The following GAD2 variants were observed in gnomAD, a reference collection of about 807,000 sequenced individuals.
GAD2 encodes the protein glutamate decarboxylase 2.
A neutral mutation model predicts 80.1 loss-of-function variants in GAD2; 22 were observed. The observed-to-expected ratio is 0.27, with a 90% confidence interval of 0.20 to 0.39. The LOEUF (loss-of-function observed/expected upper bound fraction) is 0.39. GAD2 is among the 10% of genes least tolerant of loss of function. The pLI is 1.00. For synonymous variants in GAD2, 274 were observed against 256.9 expected (o/e 1.07, Z -0.64); for missense variants, 624 against 738.4 (o/e 0.85, Z 1.80).
At chr10:26,267,207 C>CA (rs1303676052) in intron 8 of GAD2, among the ~76,000 whole-genome samples, 10 of 151,242 alleles carry the variant, frequency 6.6e-5, no homozygotes, top group South Asian at 2.1e-4. Flanking sequence ...TCAAGATTTG[C>CA]AAAAAAAAAT....
chr10:26,273,577 C>G, intron 10 of GAD2, 59 bp from the exon 11 acceptor site: 8 of 1,392,398 alleles, frequency 5.7e-6, no homozygotes, highest in Non-Finnish European at 7.1e-6. Flanking sequence ...AGACACCAGA[C>G]TATAGAAATC....
Position 26,292,435 on chromosome 10 carries a change from C to G in GAD2, c.1387-30C>G, listed in dbSNP as rs571881502. ...TCGCTTCCTCCGCACTCTTAGCCTG[C>G]TTAATGAGCTGTGTCCTTCTCTTAC... On this transcript the variant is annotated intron_variant, in intron 13 of 15. Coordinates refer to ENST00000376261, the MANE Select transcript of GAD2 (RefSeq NM_001134366.2). 1.1e-4 allele frequency: 163 copies of G among 1,543,354 alleles called. 1 individual carries two copies. Among genetic ancestry groups the G allele is most frequent in the Non-Finnish European group, 1.4e-4 (157 of 1,116,160 alleles).
chr10:26,222,529 C>T (rs1322641909), intron 4 of GAD2, among the ~76,000 whole-genome samples: 1 of 152,110 alleles, frequency 6.6e-6, no homozygotes, highest in Non-Finnish European at 1.5e-5. Flanking sequence ...CTCCAGACCT[C>T]AGTGGCCACA....
intron 11 of GAD2, among the ~76,000 whole-genome samples, chr10:26,275,272 A>G (rs1845186114): frequency 6.6e-6 from 1 of 152,346 alleles, no homozygotes; most frequent in East Asian, 1.9e-4. Flanking sequence ...GACTGGCACA[A>G]AAAGTCTGTT....
chr10:26,272,429 C>A (rs1845147310), intron 10 of GAD2, among the ~76,000 whole-genome samples: 1 of 152,182 alleles, frequency 6.6e-6, no homozygotes, highest in South Asian at 2.1e-4. Flanking sequence ...ACTAGGGAAT[C>A]TTTTAACCAG....
At chr10:26,230,238 A>T (rs373378574) in intron 7 of GAD2, among the ~76,000 whole-genome samples, 2 of 152,122 alleles carry the variant, frequency 1.3e-5, no homozygotes, top group African/African-American at 4.8e-5. Context: ...CAAGTTGCAT[A>T]TTAAGGGAAG....
At position 26,276,618 on chromosome 10, in the gene GAD2, C is replaced by CTTGGCCAGG. The variant is rs1410637319; in HGVS notation, c.1157+2918_1157+2919insTTGGCCAGG. 8.7e-4 allele frequency among the ~76,000 whole-genome samples: 133 copies of CTTGGCCAGG among 152,164 alleles called. 1 individual carries two copies. The highest frequency in any genetic ancestry group is 1.8e-3 in the Non-Finnish European group (120 of 68,038). ...GGCCAGGCTGGTCTTGAACTCCTGA[C>CTTGGCCAGG]CTCAAGTGATCCGCTCGCCTCGGCC... On this transcript the variant is annotated intron_variant, in intron 11 of 15. Transcript: ENST00000376261.
upstream of GAD2, chr10:26,216,539 A>G (rs1844372572): frequency 6.8e-6 from 2 of 292,864 alleles, no homozygotes; most frequent in Non-Finnish European, 1.2e-5. The surrounding 1 kb of genome is among the most constrained non-coding windows in gnomAD (Gnocchi z 4.7). Flanking sequence ...GGCTCCGAGG[A>G]CCCTTAGGTA....
In GAD2 at chr10:26,302,942, C is replaced by T. The variant is rs1215643239; in HGVS notation, c.*1981C>T. On this transcript the variant is annotated 3_prime_UTR_variant, in exon 16 of 16. Transcript: ENST00000376261. ...TAGACAAAGCATTAGAAAGCAGTTC[C>T]TTTCTCAAAACTGCCTGCTGAGAAT... The T allele has an allele frequency of 6.6e-6, 1 of 152,314 alleles. No individual in the cohort carries two copies. The highest frequency in any genetic ancestry group is 1.9e-4 in the East Asian group (1 of 5,178). The allele number at this position is 152,314 out of a possible 1,614,324, so 9.4% of individuals were successfully genotyped here. A position where few individuals can be genotyped will look rare whatever the true frequency, so the allele number is the denominator to read the frequency against.
chr10:26,279,919 G>C (rs1357908374), intron 11 of GAD2, among the ~76,000 whole-genome samples: 1 of 152,226 alleles, frequency 6.6e-6, no homozygotes, highest in South Asian at 2.1e-4. Flanking sequence ...ACGCATCTGA[G>C]AAATTTGGAC....
intron 7 of GAD2, among the ~76,000 whole-genome samples, chr10:26,235,527 T>C (rs547741699): frequency 2.0e-5 from 3 of 152,338 alleles, no homozygotes; most frequent in Non-Finnish European, 4.4e-5. Flanking sequence ...CTTGTAAAAC[T>C]TGAATAAGAC....
At chr10:26,252,058 G>A (rs1453587433) in intron 8 of GAD2, among the ~76,000 whole-genome samples, 1 of 152,200 alleles carries the variant, frequency 6.6e-6, no homozygotes, top group Non-Finnish European at 1.5e-5. Context: ...GGCTGACAAG[G>A]TGAGAGTCTT....
intron 7 of GAD2, among the ~76,000 whole-genome samples, chr10:26,234,635 T>A (rs1564658511): frequency 2.0e-5 from 3 of 152,194 alleles, no homozygotes; most frequent in African/African-American, 7.2e-5. Context: ...ACTGGACAAG[T>A]TACTTAATCT....
intron 15 of GAD2, among the ~76,000 whole-genome samples, chr10:26,293,764 G>A (rs1834245026): frequency 6.6e-6 from 1 of 152,232 alleles, no homozygotes; most frequent in South Asian, 2.1e-4. Context: ...TAGAAGGTAA[G>A]AGGGCAAAGA....
chr10:26,263,513 T>C (rs1845032667), intron 8 of GAD2, among the ~76,000 whole-genome samples: 1 of 152,132 alleles, frequency 6.6e-6, no homozygotes, highest in Admixed American at 6.5e-5. Context: ...CCAGGAGAAA[T>C]CTCTGGTAAT....
At chr10:26,229,142 G>A (rs561287874) in intron 6 of GAD2, among the ~76,000 whole-genome samples, 4 of 151,794 alleles carry the variant, frequency 2.6e-5, no homozygotes, top group Admixed American at 6.6e-5. Context: ...GGCAGTGAGC[G>A]GAGATCGTGC....
intron 8 of GAD2, among the ~76,000 whole-genome samples, chr10:26,260,010 T>C (rs1844990530): frequency 6.6e-6 from 1 of 152,200 alleles, no homozygotes; most frequent in Non-Finnish European, 1.5e-5. Flanking sequence ...TCTGTCATAG[T>C]ATTTGATGGC....
chr10:26,299,712 A>G (rs1834309712), intron 15 of GAD2, among the ~76,000 whole-genome samples: 1 of 152,182 alleles, frequency 6.6e-6, no homozygotes, highest in African/African-American at 2.4e-5. Flanking sequence ...TGAAAGTAAG[A>G]GGATAGTAGG....
chr10:26,260,528 T>C (rs1196374266), intron 8 of GAD2, among the ~76,000 whole-genome samples: 1 of 152,082 alleles, frequency 6.6e-6, no homozygotes, highest in African/African-American at 2.4e-5. Flanking sequence ...CTCGGGAGGC[T>C]GAGGCAGGAG....
Sources: allele counts gnomAD v4.1 joint callset (sites outside exome capture counted in the v4.1 genomes callset), GRCh38; gene constraint gnomAD v4.1.1; non-coding constraint Gnocchi (gnomAD v3.1); transcripts MANE v1.5; gene names NCBI Gene and HGNC (gene_info 2026-07-23, HGNC 2026-07-21).